The following DNAH6 variants were observed in gnomAD, a reference collection of about 807,000 sequenced individuals.
DNAH6 encodes the protein axonemal beta dynein heavy chain 6.
DNAH6 carries 340 observed loss-of-function variants against 491.4 expected under a neutral mutation model. The observed-to-expected ratio is 0.69, with a 90% CI of 0.63 to 0.76. DNAH6 has a LOEUF of 0.76. DNAH6 is among the 30% of genes least tolerant of loss of function. DNAH6 has a pLI of 0.00. For missense variants in DNAH6, 4,443 were observed against 4,972.2 expected, an observed-to-expected ratio of 0.89 and a Z score of 3.20; for synonymous variants, 1,603 against 1,686.1, an observed-to-expected ratio of 0.95 and a Z score of 1.21.
At chr2:84,510,847 C>A in the DNAH6 span, among the ~76,000 whole-genome samples, 1 of 152,116 alleles carries the variant, frequency 6.6e-6, no homozygotes, top group African/African-American at 2.4e-5. Flanking sequence ...TACTGCAGAC[C>A]CTGTTTGCCT....
intron 72 of DNAH6, among the ~76,000 whole-genome samples, chr2:84,811,673 C>T (rs1679989016): frequency 6.6e-6 from 1 of 152,036 alleles, no homozygotes; most frequent in Non-Finnish European, 1.5e-5. Flanking sequence ...CCAGCCTGGC[C>T]AACATGGCAA....
chr2:84,757,542 T>G (rs1456800280), intron 63 of DNAH6, among the ~76,000 whole-genome samples: 2 of 152,238 alleles, frequency 1.3e-5, no homozygotes, highest in African/African-American at 2.4e-5. Context: ...ATTATGCCAC[T>G]GATGGTTTCA....
intron 22 of DNAH6, among the ~76,000 whole-genome samples, 173 bp from the exon 23 acceptor site, chr2:84,616,713 A>T (rs1421965601): frequency 6.6e-6 from 1 of 152,050 alleles, no homozygotes; most frequent in Non-Finnish European, 1.5e-5. Context: ...CAATTCCATG[A>T]CTCATTTTAA....
intron 61 of DNAH6, among the ~76,000 whole-genome samples, chr2:84,732,662 G>T (rs939831342): frequency 6.6e-6 from 1 of 152,092 alleles, no homozygotes; most frequent in Non-Finnish European, 1.5e-5. Flanking sequence ...AGGGGTACAC[G>T]GTATCTTTTT....
chr2:84,759,804 C>T (rs1674394878), intron 63 of DNAH6, among the ~76,000 whole-genome samples: 2 of 152,068 alleles, frequency 1.3e-5, no homozygotes, highest in Admixed American at 1.3e-4. Flanking sequence ...CCCAAATAGC[C>T]AATGCAATCC....
chr2:84,589,833 C>A lies in DNAH6; in HGVS notation c.2610+879C>A, dbSNP rs573802074. Among the ~76,000 whole-genome samples the A allele has an allele frequency of 2.0e-5, 3 of 149,930 alleles. No individual in the cohort carries two copies. The South Asian group carries it at 6.3e-4, about 32-fold the overall frequency. ...CAACGGCTTTTAGAGAGACCAACAA[C>A]AAGAAAAGAGAATAGAAAAGAAAAT... On this transcript the variant is annotated intron_variant, in intron 16 of 76. Coordinates refer to ENST00000389394, the MANE Select transcript of DNAH6 (RefSeq NM_001370.2).
In DNAH6 at chr2:84,701,284, A is replaced by G. The variant is rs888225414; in HGVS notation, c.8006A>G (p.Glu2669Gly). Residue 2669 changes from glutamate (E) to glycine (G), a missense_variant, in exon 49 of 77, where the codon GAG becomes GGG. By Grantham distance (98) the Glu-to-Gly change is moderately conservative. Coordinates refer to ENST00000389394, the MANE Select transcript of DNAH6 (RefSeq NM_001370.2). Reference protein sequence around the residue: ...RYYTTPTSYLELINLYLSMLS... With the variant: ...RYYTTPTSYLGLINLYLSMLS... Reference sequence around the variant, plus strand: ...TACACGACACCCACCTCCTACCTGGAGCTTATCAATCTTTACCTGTCTATG... The same window carrying G: ...TACACGACACCCACCTCCTACCTGGGGCTTATCAATCTTTACCTGTCTATG... 5 of 1,551,840 alleles carry G rather than the reference A, an allele frequency of 3.2e-6. No homozygotes were observed. Among genetic ancestry groups the G allele is most frequent in the Middle Eastern group, 1.7e-4 (1 of 6,018 alleles).
chr2:84,777,012 G>A (rs147631533), intron 64 of DNAH6, among the ~76,000 whole-genome samples: 5,655 of 152,174 alleles, frequency 0.037, 123 homozygotes, highest in Middle Eastern at 0.095. Context: ...CCCAAACACC[G>A]CATGTTCTCA....
Position 84,757,210 on chromosome 2 carries a change from C to T in DNAH6, c.10513-5545C>T, listed in dbSNP as rs1024836135. 3.3e-5 allele frequency among the ~76,000 whole-genome samples: 5 copies of T among 152,258 alleles called. No homozygotes were observed. In the South Asian group the frequency reaches 8.3e-4, roughly 25 times the overall value. ...GGCACAGGGAGAAGTTGATCAGTTC[C>T]AGCCATGTGATATGAAGAAGCCCTT... On this transcript the variant is annotated intron_variant, in intron 63 of 76. Transcript: ENST00000389394.
intron 15 of DNAH6, 89 bp downstream of exon 15, chr2:84,584,339 T>C (rs1683329732): frequency 1.5e-6 from 2 of 1,290,874 alleles, no homozygotes; most frequent in African/African-American, 3.0e-5. Flanking sequence ...AGATAAAAAT[T>C]GTATATATTT....
intron 37 of DNAH6, among the ~76,000 whole-genome samples, chr2:84,663,066 C>T (rs967077152): frequency 6.6e-6 from 1 of 152,132 alleles, no homozygotes. Flanking sequence ...AAAGGACATC[C>T]ACACCAAAAC....
At chr2:84,504,166 G>C in the DNAH6 span, among the ~76,000 whole-genome samples, 5 of 151,746 alleles carry the variant, frequency 3.3e-5, no homozygotes, top group Admixed American at 6.6e-5. Flanking sequence ...TCCTTCCTTT[G>C]CTTGATCAAT....
chr2:84,530,597 T>A (rs1305917945), intron 4 of DNAH6, among the ~76,000 whole-genome samples: 1 of 152,136 alleles, frequency 6.6e-6, no homozygotes, highest in Non-Finnish European at 1.5e-5. Context: ...TTACATTTTT[T>A]AAGGAAACAT....
rs1057437747 is a variant in DNAH6 at position 84,517,781 on chromosome 2, T to A, written c.-8-38T>A. On this transcript the variant is annotated intron_variant, in intron 1 of 76. Transcript: ENST00000389394. ...GCCTCCTTCCCCAATCCTTTTGATC[T>A]ACTTTTCATTTTCTTTTTCCTCACC... The A allele has an allele frequency of 1.6e-5, 24 of 1,480,240 alleles. No individual in the cohort carries two copies. The East Asian group carries it at 4.7e-4, about 29-fold the overall frequency. 91.7% of individuals were successfully genotyped at this position (1,480,240 alleles called of 1,614,324 possible). A position where few individuals can be genotyped will look rare whatever the true frequency, so the allele number is the denominator to read the frequency against.
chr2:84,710,182 GTTTCTAGATTGAATAACA>G, intron 55 of DNAH6, 87 bp from the exon 56 acceptor site: 2 of 1,416,706 alleles, frequency 1.4e-6, no homozygotes, highest in Non-Finnish European at 1.9e-6. Context: ...TTTCAAATTT[GTTTCTAGATTGAATAACA>G]TTTCCACACT....
the DNAH6 span, among the ~76,000 whole-genome samples, chr2:84,484,631 TG>T: frequency 1.3e-5 from 2 of 152,170 alleles, no homozygotes; most frequent in South Asian, 4.1e-4. Context: ...ACCATTCTCT[TG>T]TAGTCACATC....
chr2:84,722,670 A>G lies in DNAH6; in HGVS notation c.9838A>G (p.Thr3280Ala). 1 of 1,550,936 alleles carries G rather than the reference A, an allele frequency of 6.4e-7. No homozygotes were observed. The highest frequency in any genetic ancestry group is 8.7e-7 in the Non-Finnish European group (1 of 1,146,698). Residue 3280 changes from threonine to alanine, a missense_variant, in exon 60 of 77, where the codon ACT becomes GCT. This residue lies in a region of DNAH6 where 1,463 missense variants were observed against 1,656.6 expected (regional missense o/e 0.88). Coordinates refer to ENST00000389394, the MANE Select transcript of DNAH6 (RefSeq NM_001370.2). Reference sequence around the variant, plus strand: ...AACCAGGCTGGAAGAAGCAGAGTCCACTGAGCAGATGATCAATGTGGCTCG... The same window carrying G: ...AACCAGGCTGGAAGAAGCAGAGTCCGCTGAGCAGATGATCAATGTGGCTCG... ...IKTRLEEAESTEQMINVAREK... is the reference protein window; with the variant it reads ...IKTRLEEAESAEQMINVAREK...
Position 84,619,766 on chromosome 2 carries a change from G to T in DNAH6, c.3654G>T (p.Arg1218Ser). ...RNPQAVQPHL[R>S]KCFDSISKLE... ...CACAGGCCGTGCAGCCACACTTAAGGAAATGCTTCGACTCCATTTCAAAGC... is the reference window on the plus strand; with the variant it reads ...CACAGGCCGTGCAGCCACACTTAAGTAAATGCTTCGACTCCATTTCAAAGC... The change falls in exon 24 of 77, where the codon AGG becomes AGT. Residue 1218 changes from arginine (R) to serine (S), a missense_variant. By Grantham distance (110) the Arg-to-Ser change is moderately radical (BLOSUM62 -1). Around this residue, in one of 3 missense-constraint regions of DNAH6, gnomAD observed 2,977 missense variants for 3,296.6 expected, o/e 0.90. Coordinates refer to ENST00000389394, the MANE Select transcript of DNAH6 (RefSeq NM_001370.2). The T allele has an allele frequency of 6.4e-7, 1 of 1,551,624 alleles. No individual in the cohort carries two copies. Among genetic ancestry groups the T allele is most frequent in the Non-Finnish European group, 8.7e-7 (1 of 1,146,850 alleles).
chr2:84,684,923 G>A (rs1047191885), intron 42 of DNAH6, among the ~76,000 whole-genome samples: 4 of 152,184 alleles, frequency 2.6e-5, no homozygotes, highest in African/African-American at 9.7e-5. Context: ...AGAAATGGGA[G>A]TTTCAAAAAC....
Sources: allele counts gnomAD v4.1 joint callset (sites outside exome capture counted in the v4.1 genomes callset), GRCh38; gene constraint gnomAD v4.1.1; regional missense constraint gnomAD v4.1.1; transcripts MANE v1.5; gene names NCBI Gene and HGNC (gene_info 2026-07-23, HGNC 2026-07-21).